SYNC: variants seen among roughly 807,000 people sequenced by gnomAD.
SYNC encodes the protein syncoilin.
A neutral mutation model predicts 49.5 loss-of-function variants in SYNC; 38 were observed. That is an observed-to-expected ratio of 0.77 (90% confidence interval 0.59 to 1.01). The LOEUF is 1.01. Among genes scored for constraint, SYNC ranks in the 50% least tolerant of loss-of-function variants. The pLI, the probability that SYNC is intolerant of heterozygous loss-of-function variation, is 0.00. For missense variants in SYNC, 579 were observed against 580.6 expected, an observed-to-expected ratio of 1.00 and a Z score of 0.03; for synonymous variants, 201 against 230.8, an observed-to-expected ratio of 0.87 and a Z score of 1.17.
intron 4 of SYNC, chr1:32,683,796 C>CACT (rs1414705642): frequency 1.9e-6 from 1 of 518,682 alleles, no homozygotes; most frequent in African/African-American, 1.9e-5. Context: ...CTATGCCCGG[C>CACT]TAATTTTTGT....
intron 2 of SYNC, among the ~76,000 whole-genome samples, chr1:32,689,235 C>CATTTTTT (rs1650041119): frequency 7.2e-5 from 3 of 41,520 alleles, no homozygotes; most frequent in Non-Finnish European, 4.9e-5. Context: ...CTCGCCTGGC[C>CATTTTTT]TTTTTTTTTT....
In SYNC at chr1:32,697,481, T is replaced by C. The variant is rs577926552; in HGVS notation, c.54-1437A>G. Among the ~76,000 whole-genome samples, 3 of 150,114 alleles carry C rather than the reference T, an allele frequency of 2.0e-5. No homozygotes were observed. The East Asian group carries it at 5.9e-4, about 29-fold the overall frequency. ...AACCGTGGTCAAGTGCGGTGGCTCATGTCTGTAATCCAGCACTTTGGGAGG... is the reference window on the plus strand; with the variant it reads ...AACCGTGGTCAAGTGCGGTGGCTCACGTCTGTAATCCAGCACTTTGGGAGG... On this transcript the variant is annotated intron_variant, in intron 1 of 4. Coordinates refer to ENST00000409190, the MANE Select transcript of SYNC (RefSeq NM_030786.3).
intron 4 of SYNC, chr1:32,683,790 G>A: frequency 2.0e-6 from 1 of 494,916 alleles, no homozygotes; most frequent in African/African-American, 1.9e-5. Context: ...CTGCCACTAT[G>A]CCCGGCTAAT....
At chr1:32,690,531 G>A (rs966970181) in intron 2 of SYNC, among the ~76,000 whole-genome samples, 10 of 151,898 alleles carry the variant, frequency 6.6e-5, no homozygotes, top group African/African-American at 2.4e-4. Context: ...TGTAATCCCA[G>A]CTACTTGGGA....
chr1:32,689,953 A>T (rs1650080730), intron 2 of SYNC, among the ~76,000 whole-genome samples: 1 of 152,036 alleles, frequency 6.6e-6, no homozygotes, highest in African/African-American at 2.4e-5. Flanking sequence ...AAAAAAAAAA[A>T]AAAAGTAAGT....
chr1:32,695,729 C>A lies in SYNC; in HGVS notation c.369G>T (p.Gly123=). ...TTGTGGGCTTTCCTGGCTCCACGGG[C>A]CCCTCCACAAACTGTATCCGATCTG... ...TEPDRIQFVE[G]PVEPGKPTSP... The change falls in exon 2 of 5, where the codon GGG becomes GGT. Residue 123 remains glycine (G), a synonymous_variant. Transcript: ENST00000409190. 1 of 1,551,568 alleles carries A rather than the reference C, an allele frequency of 6.4e-7. No individual in the cohort carries two copies. Among genetic ancestry groups the A allele is most frequent in the South Asian group, 1.2e-5 (1 of 84,050 alleles).
At chr1:32,688,793 G>C (rs1308018934) in intron 2 of SYNC, among the ~76,000 whole-genome samples, 3 of 151,904 alleles carry the variant, frequency 2.0e-5, no homozygotes, top group Non-Finnish European at 2.9e-5. Context: ...GTGTTAGCCA[G>C]GATGGTCTCG....
chr1:32,688,320 T>G (rs1649992019), intron 2 of SYNC, among the ~76,000 whole-genome samples: 1 of 151,986 alleles, frequency 6.6e-6, no homozygotes, highest in African/African-American at 2.4e-5. Flanking sequence ...CATAGAGATG[T>G]AAGGACTAAA....
intron 4 of SYNC, chr1:32,682,880 T>A (rs1557866342): frequency 2.0e-5 from 3 of 152,216 alleles, no homozygotes; most frequent in Non-Finnish European, 4.4e-5. Context: ...TTAGTTTCTT[T>A]CACGGACTCT....
intron 1 of SYNC, among the ~76,000 whole-genome samples, chr1:32,696,654 TAGTC>T (rs1455179302): frequency 2.6e-5 from 4 of 152,166 alleles, no homozygotes; most frequent in African/African-American, 7.2e-5. Flanking sequence ...TTCACCATGT[TAGTC>T]AGGCTGTTCT....
chr1:32,688,940 CT>C (rs963134764), intron 2 of SYNC, among the ~76,000 whole-genome samples: 43 of 147,860 alleles, frequency 2.9e-4, no homozygotes, highest in Non-Finnish European at 4.7e-4. Context: ...CACACACACA[CT>C]TTTTTTTTTC....
chr1:32,696,562 C>T (rs569056524), intron 1 of SYNC, among the ~76,000 whole-genome samples: 7 of 152,114 alleles, frequency 4.6e-5, no homozygotes, highest in African/African-American at 1.7e-4. Context: ...ATTCTCCTGC[C>T]TCAGCCTCCT....
In SYNC at chr1:32,681,587, A is replaced by G; in HGVS notation, c.*263T>C. On this transcript the variant is annotated 3_prime_UTR_variant, in exon 5 of 5. Coordinates refer to ENST00000409190, the MANE Select transcript of SYNC (RefSeq NM_030786.3). ...GTTGTTGCTGGAAGACAGGAGGCTC[A>G]TCTTTCCTTTCCTTGGTGCATTGAG... is the stretch of plus-strand genomic sequence containing the variant. 3 of 577,776 alleles carry G rather than the reference A, an allele frequency of 5.2e-6. No homozygotes were observed. Among genetic ancestry groups the G allele is most frequent in the Non-Finnish European group, 9.2e-6 (3 of 325,258 alleles). The allele number at this position is 577,776 out of a possible 1,614,324, so 35.8% of individuals were successfully genotyped here.
intron 2 of SYNC, among the ~76,000 whole-genome samples, chr1:32,691,710 A>G (rs1413336539): frequency 6.6e-6 from 1 of 152,192 alleles, no homozygotes. Context: ...GATAAAATAT[A>G]TTTAAATTAA....
rs778747735 is a variant in SYNC at position 32,681,869 on chromosome 1, T to C, written c.1439-9A>G. On this transcript the variant is annotated splice_polypyrimidine_tract_variant and intron_variant, in intron 4 of 4. Transcript: ENST00000409190. ...ATATTTCTAAACAGCCCCTGTAAAGTTGAAAGAAAAAGTTTATAACAGTGA... is the reference window on the plus strand; with the variant it reads ...ATATTTCTAAACAGCCCCTGTAAAGCTGAAAGAAAAAGTTTATAACAGTGA... The C allele has an allele frequency of 1.9e-6, 3 of 1,613,966 alleles. No individual in the cohort carries two copies. The highest frequency in any genetic ancestry group is 3.3e-5 in the Admixed American group (2 of 59,982).
At position 32,695,833 on chromosome 1, in the gene SYNC, T is replaced by G; in HGVS notation, c.265A>C (p.Met89Leu). The change falls in exon 2 of 5, where the codon ATG (methionine) becomes CTG (leucine). Residue 89 changes from methionine (M) to leucine (L), a missense_variant. By Grantham distance (15) the Met-to-Leu change is conservative. Transcript: ENST00000409190. ...AEEALYIEEA[M>L]QPDEALHVEE... ...ACATGCAGAGCCTCATCTGGCTGCA[T>G]GGCCTCCTCAATATACAGGGCCTCC... 6.4e-7 allele frequency: 1 copy of G among 1,551,954 alleles called. No individual in the cohort carries two copies. Among genetic ancestry groups the G allele is most frequent in the Non-Finnish European group, 8.7e-7 (1 of 1,147,040 alleles).
At chr1:32,683,689 T>A (rs1649605096) in intron 4 of SYNC, 1 of 253,090 alleles carries the variant, frequency 4.0e-6, no homozygotes, top group Non-Finnish European at 7.7e-6. Context: ...GCTGGAGTGC[T>A]GTATTGTGAT....
intron 2 of SYNC, among the ~76,000 whole-genome samples, chr1:32,693,794 TG>T (rs1287610123): frequency 1.3e-5 from 2 of 152,154 alleles, no homozygotes; most frequent in East Asian, 3.8e-4. Flanking sequence ...GCAAGAGAGA[TG>T]GGGACAAATG....
chr1:32,684,458 C>T, intron 2 of SYNC, 76 bp from the exon 3 acceptor site: 1 of 1,598,420 alleles, frequency 6.3e-7, no homozygotes. Context: ...ACTTATAAAA[C>T]ACTTTTTTGT....
Sources: allele counts gnomAD v4.1 joint callset (sites outside exome capture counted in the v4.1 genomes callset), GRCh38; gene constraint gnomAD v4.1.1; transcripts MANE v1.5; gene names NCBI Gene and HGNC (gene_info 2026-07-23, HGNC 2026-07-21).